Variants in POGZ observed in about 807,000 individuals in gnomAD.
POGZ encodes the protein pogo transposable element with ZNF domain.
A neutral mutation model predicts 134.6 loss-of-function variants in POGZ; 17 were observed. The ratio of observed to expected loss-of-function variants is 0.13; its 90% CI spans 0.09 to 0.19. The LOEUF (loss-of-function observed/expected upper bound fraction) is 0.19. Among genes scored for constraint, POGZ ranks in the 10% least tolerant of loss-of-function variants. POGZ has a pLI of 1.00. For missense variants in POGZ, 1,306 were observed against 1,769.7 expected (o/e 0.74, Z 4.70); for synonymous variants, 693 against 657.1 (o/e 1.05, Z -0.84).
chr1:151,406,770 G>A, intron 17 of POGZ, 139 bp from the exon 18 acceptor site: 1 of 1,015,010 alleles, frequency 9.9e-7, no homozygotes, highest in Non-Finnish European at 1.5e-6. Flanking sequence ...ATAAACTTCA[G>A]GTCGGAAGGT....
At chr1:151,431,112 A>T (rs1014747732) in intron 3 of POGZ, among the ~76,000 whole-genome samples, 2 of 151,988 alleles carry the variant, frequency 1.3e-5, no homozygotes, top group Non-Finnish European at 2.9e-5. Flanking sequence ...TATATGCCAA[A>T]ATATCCAAGA....
chr1:151,438,500 G>A (rs1409598012), intron 3 of POGZ, among the ~76,000 whole-genome samples: 9 of 152,002 alleles, frequency 5.9e-5, no homozygotes. Flanking sequence ...GAAAAAATTA[G>A]TACACTGGCC....
At chr1:151,426,947 C>T (rs942379811) in intron 7 of POGZ, 2 of 152,134 alleles carry the variant, frequency 1.3e-5, no homozygotes, top group African/African-American at 4.8e-5. Flanking sequence ...GGGTGTCGTT[C>T]TGTTGCAGTG....
At chr1:151,418,301 A>G (rs534152547) in intron 10 of POGZ, among the ~76,000 whole-genome samples, 1 of 152,306 alleles carries the variant, frequency 6.6e-6, no homozygotes, top group African/African-American at 2.4e-5. Flanking sequence ...GCACATGGTT[A>G]GAACTGGAAG....
intron 16 of POGZ, 51 bp from the exon 17 acceptor site, chr1:151,407,074 A>G (rs1653780840): frequency 2.8e-6 from 4 of 1,439,976 alleles, no homozygotes; most frequent in Middle Eastern, 1.7e-4. Context: ...GTGACACTTG[A>G]GACCATTAAG....
At chr1:151,428,510 T>C (rs927616003) in intron 5 of POGZ, 97 bp from the exon 6 acceptor site, 11 of 1,039,534 alleles carry the variant, frequency 1.1e-5, no homozygotes, top group Admixed American at 1.9e-5. Context: ...CCCAAACTGA[T>C]GGATGATCAT....
At chr1:151,417,739 T>C (rs1011040579) in intron 10 of POGZ, among the ~76,000 whole-genome samples, 1 of 150,068 alleles carries the variant, frequency 6.7e-6, no homozygotes, top group Non-Finnish European at 1.5e-5. Flanking sequence ...CAAAAGGCCT[T>C]ATTTTTTAGA....
At chr1:151,458,822 C>T (rs1004380164) in intron 1 of POGZ, among the ~76,000 whole-genome samples, 1 of 145,556 alleles carries the variant, frequency 6.9e-6, no homozygotes, top group African/African-American at 2.5e-5. Flanking sequence ...CGCGCGCGCG[C>T]GCCGCGGCGG....
At position 151,419,024 on chromosome 1, in the gene POGZ, C is replaced by CAAAAAAA. The variant is rs71090164; in HGVS notation, c.1678+4366_1678+4372dup. ...TGGGTGAAAGAATGAAGCTCTGTCTCAAAAAAAAAAAAAAAAAAAAAAGAA... is the reference window on the plus strand; with the variant it reads ...TGGGTGAAAGAATGAAGCTCTGTCTCAAAAAAAAAAAAAAAAAAAAAAAAAAAAAGAA... On this transcript the variant is annotated intron_variant, in intron 10 of 18. Transcript: ENST00000271715. Among the ~76,000 whole-genome samples the CAAAAAAA allele has an allele frequency of 3.8e-4, 20 of 52,044 alleles. 2 individuals are homozygous for CAAAAAAA. Among genetic ancestry groups the CAAAAAAA allele is most frequent in the Admixed American group, 8.8e-4 (4 of 4,526 alleles). The allele number at this position is 52,044 out of a possible 152,430, so 34.1% of individuals were successfully genotyped here.
At chr1:151,410,989 C>T (rs921429774) in intron 12 of POGZ, among the ~76,000 whole-genome samples, 8 of 152,182 alleles carry the variant, frequency 5.3e-5, no homozygotes, top group Non-Finnish European at 5.9e-5. Flanking sequence ...CTCACCTAAA[C>T]TACTGAAAAA....
At chr1:151,453,962 G>A (rs1662461224) in intron 1 of POGZ, among the ~76,000 whole-genome samples, 2 of 152,160 alleles carry the variant, frequency 1.3e-5, no homozygotes, top group South Asian at 4.1e-4. Flanking sequence ...GGCAGCAAAT[G>A]TTGCCTATCT....
intron 3 of POGZ, 63 bp from the exon 4 acceptor site, chr1:151,430,904 C>CTTTATTTTATTTTATTTTATTTTAT (rs60227751): frequency 2.4e-6 from 1 of 413,930 alleles, no homozygotes; most frequent in African/African-American, 2.2e-5. Flanking sequence ...CCACATTTTA[C>CTTTATTTTATTTTATTTTATTTTAT]TTTATTTTAT....
intron 10 of POGZ, among the ~76,000 whole-genome samples, chr1:151,416,223 AAAAAAAAAAAAAG>A (rs1655632791): frequency 6.7e-6 from 1 of 149,360 alleles, no homozygotes; most frequent in South Asian, 2.1e-4. Context: ...AAAAAAAAAA[AAAAAAAAAAAAAG>A]AAAAAGAAAG....
intron 7 of POGZ, among the ~76,000 whole-genome samples, chr1:151,426,012 T>C (rs1342156042): frequency 6.6e-6 from 1 of 152,194 alleles, no homozygotes; most frequent in Non-Finnish European, 1.5e-5. Flanking sequence ...CTCAACAATA[T>C]TTGTTATTTT....
At chr1:151,451,437 T>G (rs971706910) in intron 1 of POGZ, among the ~76,000 whole-genome samples, 1 of 151,866 alleles carries the variant, frequency 6.6e-6, no homozygotes, top group Non-Finnish European at 1.5e-5. Context: ...AGCGATTCTC[T>G]TGCTTCAGCC....
intron 10 of POGZ, among the ~76,000 whole-genome samples, chr1:151,419,039 A>AAG (rs1553221100): frequency 5.4e-5 from 8 of 149,436 alleles, no homozygotes; most frequent in African/African-American, 2.0e-4. Flanking sequence ...AAAAAAAAAA[A>AAG]AAAAAAAGAA....
intron 7 of POGZ, chr1:151,426,348 G>C (rs1174367784): frequency 6.6e-6 from 1 of 151,876 alleles, no homozygotes; most frequent in Non-Finnish European, 1.5e-5. Flanking sequence ...CACCACGCCT[G>C]GCTAATTTTT....
intron 1 of POGZ, among the ~76,000 whole-genome samples, chr1:151,449,420 G>A (rs1251403138): frequency 6.6e-6 from 1 of 152,070 alleles, no homozygotes; most frequent in East Asian, 1.9e-4. Flanking sequence ...GTAGTGGCCA[G>A]GAGTGCTACA....
rs1372783199 is a variant in POGZ, at chr1:151,406,341, T to C, written c.2694A>G (p.Glu898=). Residue 898 remains glutamate, a synonymous_variant, in exon 19 of 19, where the codon GAA becomes GAG. Transcript: ENST00000271715. The stretch of plus-strand genomic sequence containing the variant: ...CTGGGGCTAAGGGAGTTAGTAGCTC[T>C]TCAGGCTCAGCTGGGGTGGCCCCCG... ...KSAGATPAEP[E]ELLTPLAPAL... 1 of 1,605,542 alleles carries C rather than the reference T, an allele frequency of 6.2e-7. No homozygotes were observed. Among genetic ancestry groups the C allele is most frequent in the East Asian group, 2.2e-5 (1 of 44,822 alleles).
Sources: allele counts gnomAD v4.1 joint callset (sites outside exome capture counted in the v4.1 genomes callset), GRCh38; gene constraint gnomAD v4.1.1; transcripts MANE v1.5; gene names NCBI Gene and HGNC (gene_info 2026-07-23, HGNC 2026-07-21).